Variants in TECPR2 observed in about 807,000 individuals in gnomAD.
TECPR2 encodes tectonin beta-propeller repeat containing 2, also known as tectonin beta-propeller repeat-containing protein 2.
Under a neutral mutation model 138.1 loss-of-function variants are expected in TECPR2, and 65 were observed. That is an observed-to-expected ratio of 0.47 (90% CI 0.39 to 0.58). The LOEUF is 0.58. Ranked by LOEUF, TECPR2 falls within the 20% of genes least tolerant of loss-of-function variation. The probability of loss-of-function intolerance (pLI) is 0.00; values close to 1 mark genes in which losing one functional copy is unlikely to be tolerated. For missense variants in TECPR2, 1,553 were observed against 1,824.5 expected (o/e 0.85, Z 2.71); for synonymous variants, 746 against 749.8 (o/e 0.99, Z 0.08).
Position 102,482,106 on chromosome 14 carries a change from A to G in TECPR2, c.3790-14873A>G, listed in dbSNP as rs886467854. ...GCTCTGTTGCCCAGGCTGGCGTGCA[A>G]TGGTGCGATCAATCTCTGCTCACTG... On this transcript the variant is annotated intron_variant, in intron 17 of 19. Transcript: ENST00000359520. 2.6e-5 allele frequency among the ~76,000 whole-genome samples: 4 copies of G among 151,846 alleles called. No individual in the cohort carries two copies. In the East Asian group the frequency reaches 7.7e-4, roughly 29 times the overall value.
At chr14:102,494,227 G>C (rs1891223466) in intron 17 of TECPR2, among the ~76,000 whole-genome samples, 1 of 152,170 alleles carries the variant, frequency 6.6e-6, no homozygotes, top group Admixed American at 6.5e-5. Context: ...CTAGGACTCT[G>C]TTCTCTCTGT....
In TECPR2 at chr14:102,438,179, T is replaced by A; in HGVS notation, c.2552T>A (p.Val851Asp). 6.2e-7 allele frequency: 1 copy of A among 1,610,634 alleles called. No homozygotes were observed. Among genetic ancestry groups the A allele is most frequent in the Non-Finnish European group, 8.5e-7 (1 of 1,179,738 alleles). The change falls in exon 10 of 20, where the codon GTC (valine) becomes GAC (aspartate). Residue 851 changes from valine to aspartate, a missense_variant. Val to Asp is a radical substitution (Grantham distance 152, BLOSUM62 -3). Coordinates refer to ENST00000359520, the MANE Select transcript of TECPR2 (RefSeq NM_014844.5). ...CGCTGGCAGAAGTTTGAAGATGCTG[T>A]CCAGCAGGTGGCAGTCTCGCCCTCA... ...GLRWQKFEDAVQQVAVSPSGA... is the reference protein window; with the variant it reads ...GLRWQKFEDADQQVAVSPSGA...
intron 2 of TECPR2, among the ~76,000 whole-genome samples, chr14:102,381,318 A>C (rs911190984): frequency 3.9e-5 from 6 of 152,214 alleles, no homozygotes; most frequent in Non-Finnish European, 7.4e-5. Flanking sequence ...CACACCTGTA[A>C]TTCCAGAACT....
chr14:102,486,635 A>G (rs1482695175), intron 17 of TECPR2, among the ~76,000 whole-genome samples: 1 of 152,152 alleles, frequency 6.6e-6, no homozygotes, highest in Non-Finnish European at 1.5e-5. Flanking sequence ...TCTTCGGGCC[A>G]GTGAGGACAG....
intron 16 of TECPR2, among the ~76,000 whole-genome samples, chr14:102,457,976 C>T (rs751272231): frequency 2.0e-5 from 3 of 147,484 alleles, no homozygotes; most frequent in African/African-American, 5.0e-5. Context: ...TAGGTTCAAG[C>T]GATTCTCCTG....
At chr14:102,426,516 G>A (rs1359185237) in intron 6 of TECPR2, among the ~76,000 whole-genome samples, 4 of 152,122 alleles carry the variant, frequency 2.6e-5, no homozygotes, top group Non-Finnish European at 4.4e-5. Context: ...CCTCTGACAG[G>A]CACCCCTTTC....
At chr14:102,407,569 A>G in intron 3 of TECPR2, 103 bp downstream of exon 3, 1 of 1,429,502 alleles carries the variant, frequency 7.0e-7, no homozygotes, top group Non-Finnish European at 9.3e-7. Context: ...TGCTCAGAGA[A>G]AGCCGGGCAC....
intron 1 of TECPR2, among the ~76,000 whole-genome samples, chr14:102,371,027 C>T (rs1490675075): frequency 6.6e-6 from 1 of 152,130 alleles, no homozygotes; most frequent in Non-Finnish European, 1.5e-5. Flanking sequence ...TTTACTAATC[C>T]CATTTCAGAT....
intron 2 of TECPR2, among the ~76,000 whole-genome samples, chr14:102,384,170 C>T (rs1297659735): frequency 1.3e-5 from 2 of 152,024 alleles, no homozygotes; most frequent in African/African-American, 2.4e-5. Context: ...CCACCTGCCT[C>T]GGCCTCCCAA....
chr14:102,367,029 C>A (rs955770499), intron 1 of TECPR2, among the ~76,000 whole-genome samples: 2 of 152,086 alleles, frequency 1.3e-5, no homozygotes, highest in Non-Finnish European at 2.9e-5. Flanking sequence ...AATTATGACA[C>A]CTGAGTGGGA....
chr14:102,407,392 G>A lies in TECPR2; in HGVS notation c.274G>A (p.Val92Met). Residue 92 changes from valine (V) to methionine (M), a missense_variant, in exon 3 of 20, where the codon GTG becomes ATG. Val to Met is a conservative substitution (Grantham distance 21). Transcript: ENST00000359520. ...VKLLSCFDDLVAAGTASGRVA... is the reference protein window; with the variant it reads ...VKLLSCFDDLMAAGTASGRVA... ...GCTGCTGAGCTGCTTTGATGACCTG[G>A]TGGCAGCAGGCACAGCCTCTGGCAG... 1 of 1,613,700 alleles carries A rather than the reference G, an allele frequency of 6.2e-7. No homozygotes were observed. Among genetic ancestry groups the A allele is most frequent in the Middle Eastern group, 1.6e-4 (1 of 6,062 alleles).
Position 102,428,244 on chromosome 14 carries a change from T to TTTTCA in TECPR2, c.952-6_952-5insTTTCA. The stretch of plus-strand genomic sequence containing the variant: ...TTTGTTTTTTTTTTTTTTTTTTTTT[T>TTTTCA]GACAGGCCACAGTTGCTGGTTTGGA... On this transcript the variant is annotated splice_polypyrimidine_tract_variant and splice_region_variant and intron_variant, in intron 6 of 19. Transcript: ENST00000359520. The TTTTCA allele has an allele frequency of 3.0e-6, 4 of 1,350,740 alleles. No homozygotes were observed. The highest frequency in any genetic ancestry group is 2.0e-4 in the Middle Eastern group (1 of 4,900). 83.7% of individuals were successfully genotyped at this position (1,350,740 alleles called of 1,614,324 possible).
At chr14:102,380,091 A>G (rs1472640843) in intron 2 of TECPR2, among the ~76,000 whole-genome samples, 1 of 149,170 alleles carries the variant, frequency 6.7e-6, no homozygotes, top group Non-Finnish European at 1.5e-5. Context: ...GAGGCACCCT[A>G]GTCACACTGC....
chr14:102,434,671 G>A lies in TECPR2; in HGVS notation c.1854G>A (p.Gln618=). The change falls in exon 9 of 20, where the codon CAG becomes CAA. Residue 618 remains glutamine, a synonymous_variant. Coordinates refer to ENST00000359520, the MANE Select transcript of TECPR2 (RefSeq NM_014844.5). ...GCACACAGTTACCCTTCCAAGAACAGGACAGCTCTCCTGGGGCGCATGATG... is the reference window on the plus strand; with the variant it reads ...GCACACAGTTACCCTTCCAAGAACAAGACAGCTCTCCTGGGGCGCATGATG... ...PNSTQLPFQE[Q]DSSPGAHDGE... 2 of 1,611,298 alleles carry A rather than the reference G, an allele frequency of 1.2e-6. No homozygotes were observed. The highest frequency in any genetic ancestry group is 1.7e-6 in the Non-Finnish European group (2 of 1,178,198).
intron 16 of TECPR2, among the ~76,000 whole-genome samples, chr14:102,457,673 G>C (rs1191576688): frequency 7.2e-5 from 11 of 152,000 alleles, no homozygotes; most frequent in Admixed American, 7.2e-4. Flanking sequence ...CTTGAGGCCA[G>C]GAATTTAAAA....
intron 17 of TECPR2, among the ~76,000 whole-genome samples, chr14:102,487,517 C>G (rs1891054919): frequency 6.6e-6 from 1 of 152,134 alleles, no homozygotes; most frequent in Admixed American, 6.5e-5. Flanking sequence ...GGTCTGAGCC[C>G]CAGACACTTG....
At chr14:102,391,216 C>T (rs1888162864) in intron 2 of TECPR2, among the ~76,000 whole-genome samples, 1 of 152,102 alleles carries the variant, frequency 6.6e-6, no homozygotes, top group Admixed American at 6.5e-5. Context: ...CACCACCACG[C>T]CCAACCAATT....
Position 102,461,392 on chromosome 14 carries a change from A to G in TECPR2, c.3641-3749A>G, listed in dbSNP as rs75314155. 7.4e-4 allele frequency among the ~76,000 whole-genome samples: 113 copies of G among 152,378 alleles called. 4 individuals are homozygous for G. In the East Asian group the frequency reaches 0.018, roughly 24 times the overall value. ...GATTGTGTTACGCAGTAATTTATAC[A>G]GAAAAGTATTTTATAAATAAAATGT... On this transcript the variant is annotated intron_variant, in intron 16 of 19. Transcript: ENST00000359520.
At chr14:102,492,068 G>T (rs565189688) in intron 17 of TECPR2, among the ~76,000 whole-genome samples, 1 of 152,364 alleles carries the variant, frequency 6.6e-6, no homozygotes, top group East Asian at 1.9e-4. Context: ...CATGAGGCAA[G>T]ATGATAAACC....
Sources: gnomAD v4.1 joint callset for allele counts (sites outside exome capture counted in the v4.1 genomes callset) on GRCh38, gnomAD v4.1.1 for gene constraint, MANE v1.5 for transcripts, NCBI Gene and HGNC (gene_info 2026-07-23, HGNC 2026-07-21) for gene names.